The following ZNF721 variants were observed in gnomAD, a reference collection of about 807,000 sequenced individuals.
ZNF721 encodes the protein zinc finger protein 721.
ZNF721 carries 2 observed loss-of-function variants against 2.4 expected under a neutral mutation model. The ratio of observed to expected loss-of-function variants is 0.82; its 90% CI spans 0.34 to 2.58. The LOEUF (loss-of-function observed/expected upper bound fraction) is 2.58, where lower values mean the gene tolerates loss of function less well. ZNF721 is among the 30% of genes most tolerant of loss of function. The pLI, the probability that ZNF721 is intolerant of heterozygous loss-of-function variation, is 0.11. For missense variants in ZNF721, 1,187 were observed against 1,085.5 expected, an observed-to-expected ratio of 1.09 and a Z score of -1.31; for synonymous variants, 398 against 381.8, an observed-to-expected ratio of 1.04 and a Z score of -0.50.
At chr4:453,056 A>G (rs1473303551) in intron 2 of ZNF721, among the ~76,000 whole-genome samples, 1 of 152,212 alleles carries the variant, frequency 6.6e-6, no homozygotes, top group African/African-American at 2.4e-5. Flanking sequence ...TCCTTTAAAA[A>G]ACTAAGCCCA....
At position 439,999 on chromosome 4, in the gene ZNF721, TAAC is replaced by T. The variant is rs1432967075; in HGVS notation, c.*1693_*1695del. Reference sequence around the variant, plus strand: ...TCACGGCACAAAAATTTTAACACAATAACAATTTTTATTTCAAAAATTAAGTTC... The same window carrying T: ...TCACGGCACAAAAATTTTAACACAATAATTTTTATTTCAAAAATTAAGTTC... On this transcript the variant is annotated 3_prime_UTR_variant, in exon 3 of 3. Coordinates refer to ENST00000511833, the MANE Select transcript of ZNF721 (RefSeq NM_133474.4). The T allele has an allele frequency of 5.3e-5, 8 of 152,136 alleles. No homozygotes were observed. The highest frequency in any genetic ancestry group is 2.1e-4 in the South Asian group (1 of 4,836). 9.4% of individuals were successfully genotyped at this position (152,136 alleles called of 1,614,324 possible). A position where few individuals can be genotyped will look rare whatever the true frequency, so the allele number is the denominator to read the frequency against.
chr4:455,910 G>T (rs1447182038), intron 2 of ZNF721, among the ~76,000 whole-genome samples: 1 of 151,844 alleles, frequency 6.6e-6, no homozygotes, highest in Non-Finnish European at 1.5e-5. Flanking sequence ...ACCTAAAAAG[G>T]TTCCATTTTT....
chr4:457,616 C>T (rs1242455098), intron 2 of ZNF721, among the ~76,000 whole-genome samples: 1 of 152,218 alleles, frequency 6.6e-6, no homozygotes, highest in Non-Finnish European at 1.5e-5. Flanking sequence ...ACCCTTTGCA[C>T]ATATCAGTCA....
intron 2 of ZNF721, among the ~76,000 whole-genome samples, chr4:459,438 G>A (rs1714946996): frequency 6.6e-6 from 1 of 152,050 alleles, no homozygotes; most frequent in Admixed American, 6.6e-5. Context: ...CAAAATAAAG[G>A]GAGGGAGGAA....
At chr4:490,091 C>G (rs1479434370) in intron 1 of ZNF721, among the ~76,000 whole-genome samples, 1 of 151,930 alleles carries the variant, frequency 6.6e-6, no homozygotes, top group Non-Finnish European at 1.5e-5. Flanking sequence ...ATCCCCTGAC[C>G]TCGTGATCCA....
chr4:480,112 T>A (rs1553869160), intron 1 of ZNF721, among the ~76,000 whole-genome samples: 1 of 152,208 alleles, frequency 6.6e-6, no homozygotes, highest in African/African-American at 2.4e-5. Flanking sequence ...TGGGGCTGAA[T>A]TAAAATAGGA....
At position 443,269 on chromosome 4, in the gene ZNF721, T is replaced by C. The variant is rs1553863599; in HGVS notation, c.1198A>G (p.Ser400Gly). 1 of 1,613,414 alleles carries C rather than the reference T, an allele frequency of 6.2e-7. No homozygotes were observed. The highest frequency in any genetic ancestry group is 8.5e-7 in the Non-Finnish European group (1 of 1,179,808). ...TTATGTGCAGTAAGGTTTGTTGAAC[T>C]ATTAAAGGCTTTGCCACACTCTTCA... The part of the protein sequence containing the change: ...KCEECGKAFN[S>G]STNLTAHKRI... The change falls in exon 3 of 3, where the codon AGT (serine) becomes GGT (glycine). Residue 400 changes from serine (S) to glycine (G), a missense_variant. Coordinates refer to ENST00000511833, the MANE Select transcript of ZNF721 (RefSeq NM_133474.4).
At chr4:474,466 A>G (rs1240520098) in intron 1 of ZNF721, among the ~76,000 whole-genome samples, 1 of 152,202 alleles carries the variant, frequency 6.6e-6, no homozygotes, top group Non-Finnish European at 1.5e-5. Context: ...ACACTTGTTC[A>G]CAAATGGAAA....
chr4:463,145 A>C, intron 2 of ZNF721, among the ~76,000 whole-genome samples: 1 of 152,286 alleles, frequency 6.6e-6, no homozygotes. Context: ...GCCAACAAAC[A>C]TATGAGAAAA....
chr4:474,235 A>C, intron 1 of ZNF721: 1 of 379,068 alleles, frequency 2.6e-6, no homozygotes, highest in South Asian at 2.0e-5. Context: ...CTGATTGGAT[A>C]TGGGTCCAGG....
At chr4:463,600 T>C (rs1171167253) in intron 2 of ZNF721, among the ~76,000 whole-genome samples, 2 of 152,318 alleles carry the variant, frequency 1.3e-5, no homozygotes, top group Middle Eastern at 3.4e-3. Context: ...GTTCATGTCC[T>C]ATGCAGGGAC....
At chr4:488,175 A>C (rs1212864947) in intron 1 of ZNF721, among the ~76,000 whole-genome samples, 1 of 152,062 alleles carries the variant, frequency 6.6e-6, no homozygotes, top group Non-Finnish European at 1.5e-5. Context: ...CACTTTAATA[A>C]ATTCTTGCTT....
intron 2 of ZNF721, among the ~76,000 whole-genome samples, chr4:470,695 C>T (rs1224442329): frequency 6.6e-6 from 1 of 151,440 alleles, no homozygotes; most frequent in Non-Finnish European, 1.5e-5. Context: ...GCCCGGGCAA[C>T]AAGAGCAAAA....
chr4:463,910 A>G (rs1553866425), intron 2 of ZNF721, among the ~76,000 whole-genome samples: 1 of 152,216 alleles, frequency 6.6e-6, no homozygotes, highest in African/African-American at 2.4e-5. Context: ...GCATAATAAT[A>G]AAAAATAAAT....
chr4:486,320 G>A (rs1461036092), intron 1 of ZNF721, among the ~76,000 whole-genome samples: 15 of 151,970 alleles, frequency 9.9e-5, no homozygotes, highest in African/African-American at 3.1e-4. Context: ...CACCATGTCC[G>A]GCTAATTTTT....
At chr4:486,924 T>C (rs1715912777) in intron 1 of ZNF721, among the ~76,000 whole-genome samples, 1 of 152,148 alleles carries the variant, frequency 6.6e-6, no homozygotes, top group Non-Finnish European at 1.5e-5. Flanking sequence ...CAAAAAAATC[T>C]TGCTCCTATT....
At chr4:449,254 G>A (rs1293957453) in intron 2 of ZNF721, among the ~76,000 whole-genome samples, 2 of 152,114 alleles carry the variant, frequency 1.3e-5, no homozygotes, top group African/African-American at 4.8e-5. Context: ...ATAGAGGTAT[G>A]ACAGTTTTGG....
At chr4:481,314 A>C (rs1447914634) in intron 1 of ZNF721, among the ~76,000 whole-genome samples, 1 of 152,180 alleles carries the variant, frequency 6.6e-6, no homozygotes, top group African/African-American at 2.4e-5. Flanking sequence ...GGGGTTCCAA[A>C]TGCTCTGTAT....
intron 1 of ZNF721, among the ~76,000 whole-genome samples, chr4:477,256 T>C (rs1211978911): frequency 5.6e-4 from 2 of 3,568 alleles, no homozygotes; most frequent in East Asian, 0.028. Flanking sequence ...GTGAGTTCCT[T>C]TTTTTTTTTT....
Sources: gnomAD v4.1 joint callset for allele counts (sites outside exome capture counted in the v4.1 genomes callset) on GRCh38, gnomAD v4.1.1 for gene constraint, MANE v1.5 for transcripts, NCBI Gene and HGNC (gene_info 2026-07-23, HGNC 2026-07-21) for gene names.